ISX: variants seen among roughly 807,000 people sequenced by gnomAD.
ISX encodes the protein intestine specific homeobox, also known as intestine-specific homeobox.
A neutral mutation model predicts 16.9 loss-of-function variants in ISX; 15 were observed. That is an observed-to-expected ratio of 0.89 (90% CI 0.59 to 1.36). ISX has a LOEUF of 1.36. Ranked by LOEUF, ISX falls within the 40% of genes most tolerant of loss-of-function variation. ISX has a pLI of 0.00. For missense variants in ISX, 316 were observed against 306.1 expected (o/e 1.03, Z -0.24); for synonymous variants, 125 against 119.7 (o/e 1.04, Z -0.29).
rs1362480007 is a variant in ISX, at chr22:35,067,219, T to A, written c.132T>A (p.Ser44Arg). Residue 44 changes from serine to arginine, a missense_variant, in exon 2 of 5, where the codon AGT becomes AGA. Physicochemically the swap from Ser to Arg is moderately radical, Grantham distance 110. Coordinates refer to ENST00000404699, the MANE Select transcript of ISX (RefSeq NM_001303508.2). Reference protein sequence around the residue: ...EAILKRPARRSDMDRPEGPGE... With the variant: ...EAILKRPARRRDMDRPEGPGE... Reference sequence around the variant, plus strand: ...TCCTAAAGAGGCCTGCCAGGAGGAGTGATATGGACAGACCAGAAGGGCCAG... The same window carrying A: ...TCCTAAAGAGGCCTGCCAGGAGGAGAGATATGGACAGACCAGAAGGGCCAG... The A allele has an allele frequency of 2.5e-6, 4 of 1,609,826 alleles. No homozygotes were observed. In the East Asian group the frequency reaches 8.9e-5, roughly 36 times the overall value.
Position 35,082,679 on chromosome 22 carries a change from T to A in ISX, c.381+10T>A. ...AGAAGCTCGGGTGCAGGTACAGCCA[T>A]CCCTACCTCAGCCCCCAGCCTCCAT... On this transcript the variant is annotated intron_variant, in intron 3 of 4. Transcript: ENST00000404699. 1 of 1,613,844 alleles carries A rather than the reference T, an allele frequency of 6.2e-7. No individual in the cohort carries two copies. The highest frequency in any genetic ancestry group is 8.5e-7 in the Non-Finnish European group (1 of 1,179,934).
Position 35,085,630 on chromosome 22 carries a change from T to A in ISX, c.675T>A (p.Pro225=). 6.2e-7 allele frequency: 1 copy of A among 1,614,210 alleles called. No homozygotes were observed. ...TTCCCATCCATCAAACTTGCATCCC[T>A]GTGCTATGCATCCTTCCACCTCCAC... ...PGLPIHQTCI[P]VLCILPPPHP... The change falls in exon 5 of 5, where the codon CCT becomes CCA. Residue 225 remains proline (P), a synonymous_variant. Transcript: ENST00000404699.
chr22:35,069,801 C>T (rs891746121), intron 2 of ISX, among the ~76,000 whole-genome samples: 2 of 152,146 alleles, frequency 1.3e-5, no homozygotes, highest in Non-Finnish European at 2.9e-5. Context: ...CCTCTCCTGC[C>T]CCAAGAATAA....
chr22:35,079,013 T>C (rs1486045875), intron 2 of ISX, among the ~76,000 whole-genome samples: 2 of 152,236 alleles, frequency 1.3e-5, no homozygotes, highest in Non-Finnish European at 2.9e-5. Context: ...ACAAGTTGCA[T>C]AGTGGAACCA....
At chr22:35,070,232 G>A (rs1479952365) in intron 2 of ISX, among the ~76,000 whole-genome samples, 1 of 152,188 alleles carries the variant, frequency 6.6e-6, no homozygotes, top group Non-Finnish European at 1.5e-5. Flanking sequence ...TCTATAGGTT[G>A]GACCCTCCCA....
intron 2 of ISX, among the ~76,000 whole-genome samples, chr22:35,068,239 T>A (rs182690153): frequency 6.6e-6 from 1 of 152,292 alleles, no homozygotes; most frequent in Admixed American, 6.5e-5. Flanking sequence ...CTCTCCCCTT[T>A]TCACCCCTTT....
chr22:35,070,252 A>C (rs1042887927), intron 2 of ISX, among the ~76,000 whole-genome samples: 1 of 152,192 alleles, frequency 6.6e-6, no homozygotes, highest in South Asian at 2.1e-4. Context: ...AGGTCTTAAA[A>C]GTCAATGGGA....
At chr22:35,076,196 G>A (rs1928976212) in intron 2 of ISX, among the ~76,000 whole-genome samples, 1 of 152,156 alleles carries the variant, frequency 6.6e-6, no homozygotes, top group Non-Finnish European at 1.5e-5. Context: ...GGATGAGTAG[G>A]AGTTCACCAG....
At chr22:35,079,347 G>A (rs1929066496) in intron 2 of ISX, among the ~76,000 whole-genome samples, 1 of 152,110 alleles carries the variant, frequency 6.6e-6, no homozygotes, top group Admixed American at 6.5e-5. Flanking sequence ...ATCTGACATT[G>A]TACAAAGTTT....
chr22:35,066,265 G>C lies in ISX; in HGVS notation c.-534G>C, dbSNP rs899212168. On this transcript the variant is annotated 5_prime_UTR_variant, in exon 1 of 5. Coordinates refer to ENST00000404699, the MANE Select transcript of ISX (RefSeq NM_001303508.2). ...ACCCTGGGTCAGGCGCTTGTGGAGA[G>C]AGGGCTTCGCATGTAAAGTGACGTC... is the stretch of plus-strand genomic sequence containing the variant. The C allele has an allele frequency of 1.0e-4, 16 of 152,454 alleles. No homozygotes were observed. The highest frequency in any genetic ancestry group is 3.9e-4 in the African/African-American group (16 of 41,440). The allele number at this position is 152,454 out of a possible 1,614,324, so 9.4% of individuals were successfully genotyped here. A position where few individuals can be genotyped will look rare whatever the true frequency, so the allele number is the denominator to read the frequency against.
chr22:35,082,247 A>G (rs369901038), intron 2 of ISX, among the ~76,000 whole-genome samples: 2 of 152,274 alleles, frequency 1.3e-5, no homozygotes, highest in South Asian at 2.1e-4. Flanking sequence ...GACAAAAGGA[A>G]GTCATTGAAG....
intron 2 of ISX, among the ~76,000 whole-genome samples, chr22:35,075,221 G>C (rs1928950997): frequency 6.6e-6 from 1 of 152,206 alleles, no homozygotes; most frequent in South Asian, 2.1e-4. Flanking sequence ...GAAAAGGAAA[G>C]CCTGTGAAGC....
chr22:35,085,683 C>T lies in ISX; in HGVS notation c.728C>T (p.Thr243Ile), dbSNP rs748133240. The stretch of plus-strand genomic sequence containing the variant: ...CCCAAATGGGGCAGCATCTGTGCTA[C>T]TTCAACATAGAGATTGGACATGCTC... ...PHPKWGSICA[T>I]ST The change falls in exon 5 of 5, where the codon ACT becomes ATT. Residue 243 changes from threonine to isoleucine, a missense_variant. By Grantham distance (89) the Thr-to-Ile change is moderately conservative. Coordinates refer to ENST00000404699, the MANE Select transcript of ISX (RefSeq NM_001303508.2). 2 of 1,614,256 alleles carry T rather than the reference C, an allele frequency of 1.2e-6. No homozygotes were observed. Among genetic ancestry groups the T allele is most frequent in the Non-Finnish European group, 1.7e-6 (2 of 1,180,048 alleles).
At chr22:35,069,800 C>T (rs1057415883) in intron 2 of ISX, among the ~76,000 whole-genome samples, 3 of 152,172 alleles carry the variant, frequency 2.0e-5, no homozygotes, top group Non-Finnish European at 4.4e-5. Flanking sequence ...CCCTCTCCTG[C>T]CCCAAGAATA....
chr22:35,074,867 C>T (rs73168057), intron 2 of ISX, among the ~76,000 whole-genome samples: 1,664 of 109,140 alleles, frequency 0.015, 17 homozygotes, highest in South Asian at 0.039. Context: ...TAAACACACA[C>T]GTGCACACAC....
At chr22:35,080,694 A>G (rs989314731) in intron 2 of ISX, among the ~76,000 whole-genome samples, 3 of 151,260 alleles carry the variant, frequency 2.0e-5, no homozygotes, top group Non-Finnish European at 2.9e-5. Context: ...CTAGTTGTAT[A>G]AAGAAAAATG....
At chr22:35,069,762 G>C (rs1443109255) in intron 2 of ISX, among the ~76,000 whole-genome samples, 1 of 152,138 alleles carries the variant, frequency 6.6e-6, no homozygotes, top group Non-Finnish European at 1.5e-5. Flanking sequence ...CCCCTCAGCA[G>C]AGAGCAACAG....
chr22:35,085,391 C>A (rs142967550), intron 4 of ISX, 63 bp from the exon 5 acceptor site: 1 of 1,599,878 alleles, frequency 6.3e-7, no homozygotes. Context: ...TGGAGGGAAA[C>A]GCTGAGAAGC....
chr22:35,067,110 C>T lies in ISX; in HGVS notation c.23C>T (p.Ala8Val), dbSNP rs142905734. Residue 8 changes from alanine to valine, a missense_variant, in exon 2 of 5, where the codon GCT (alanine) becomes GTT (valine). Transcript: ENST00000404699. MCAEVGP[A>V]LCRGMERNSL... is the part of the protein sequence containing the mutation. ...TCAATGTGTGCTGAGGTGGGCCCTG[C>T]TCTCTGCAGGGGTATGGAGAGAAAT... 42 of 1,613,784 alleles carry T rather than the reference C, an allele frequency of 2.6e-5. No individual in the cohort carries two copies. Among genetic ancestry groups the T allele is most frequent in the Admixed American group, 1.2e-4 (7 of 60,008 alleles).
Sources: allele counts gnomAD v4.1 joint callset (sites outside exome capture counted in the v4.1 genomes callset), GRCh38; gene constraint gnomAD v4.1.1; transcripts MANE v1.5; gene names NCBI Gene and HGNC (gene_info 2026-07-23, HGNC 2026-07-21).